SNX19: variants seen among roughly 807,000 people sequenced by gnomAD.
SNX19 encodes the protein sorting nexin 19.
SNX19 carries 60 observed loss-of-function variants against 85.2 expected under a neutral mutation model. The observed-to-expected ratio is 0.70, with a 90% confidence interval of 0.57 to 0.87. The LOEUF (loss-of-function observed/expected upper bound fraction) is 0.87. Among genes scored for constraint, SNX19 ranks in the 40% least tolerant of loss-of-function variants. SNX19 has a pLI of 0.00. For synonymous variants in SNX19, 520 were observed against 470.0 expected (o/e 1.11, Z -1.38); for missense variants, 1,201 against 1,217.8 (o/e 0.99, Z 0.21).
intron 8 of SNX19, among the ~76,000 whole-genome samples, chr11:130,888,096 T>C (rs1156463349): frequency 8.3e-6 from 1 of 120,208 alleles, no homozygotes; most frequent in Non-Finnish European, 1.9e-5. Context: ...CACAGGTACA[T>C]TACAAAAAAA....
chr11:130,878,468 GCAGAGGTGGTAGCAGCAGACTCCTCAA>G lies in SNX19; in HGVS notation c.2906_2932del (p.Val969_Ser977del). 1 of 1,613,924 alleles carries G rather than the reference GCAGAGGTGGTAGCAGCAGACTCCTCAA, an allele frequency of 6.2e-7. No individual in the cohort carries two copies. Among genetic ancestry groups the G allele is most frequent in the East Asian group, 2.2e-5 (1 of 44,868 alleles). On this transcript the variant is annotated inframe_deletion, in exon 11 of 11. Coordinates refer to ENST00000265909, the MANE Select transcript of SNX19 (RefSeq NM_014758.3). ...CTTAGAGTTGCCTGGGGTATCTGAGGCAGAGGTGGTAGCAGCAGACTCCTCAACAGAGGCACTGAGATCCAAGAATTC... is the reference window on the plus strand; with the variant it reads ...CTTAGAGTTGCCTGGGGTATCTGAGGCAGAGGCACTGAGATCCAAGAATTC...
At position 130,903,370 on chromosome 11, in the gene SNX19, A is replaced by T. The variant is rs1565536578; in HGVS notation, c.2458T>A (p.Leu820Ile). 1.9e-6 allele frequency: 3 copies of T among 1,612,480 alleles called. No homozygotes were observed. Among genetic ancestry groups the T allele is most frequent in the Non-Finnish European group, 1.7e-6 (2 of 1,179,818 alleles). Residue 820 changes from leucine (L) to isoleucine (I), a missense_variant, in exon 8 of 11, where the codon TTA (leucine) becomes ATA (isoleucine). Leu to Ile is a conservative substitution (Grantham distance 5). Transcript: ENST00000265909. ...SNSDPGTETE[L>I]ADTALDLLLL... The stretch of plus-strand genomic sequence containing the variant: ...AGCAGATCCAGGGCTGTGTCAGCTA[A>T]CTCTGTCTCTGTTCCTGAGGGATAA...
chr11:130,878,137 C>T lies in SNX19; in HGVS notation c.*285G>A. 3.9e-6 allele frequency: 1 copy of T among 257,276 alleles called. No homozygotes were observed. The allele number at this position is 257,276 out of a possible 1,614,324, so 15.9% of individuals were successfully genotyped here. ...GGCAAAAGGAGAAGCAAAAGGGGTT[C>T]ATTCCTCTACCTCACAGCTTCTTTT... On this transcript the variant is annotated 3_prime_UTR_variant, in exon 11 of 11. Coordinates refer to ENST00000265909, the MANE Select transcript of SNX19 (RefSeq NM_014758.3).
At chr11:130,888,123 C>G (rs547796728) in intron 8 of SNX19, among the ~76,000 whole-genome samples, 1 of 151,596 alleles carries the variant, frequency 6.6e-6, no homozygotes, top group East Asian at 1.9e-4. Flanking sequence ...ATCGTGTGCC[C>G]CTCTGTTAAG....
At chr11:130,901,391 T>A (rs1479210021) in intron 8 of SNX19, among the ~76,000 whole-genome samples, 3 of 152,074 alleles carry the variant, frequency 2.0e-5, no homozygotes, top group Non-Finnish European at 4.4e-5. Context: ...CTACAGAAGG[T>A]TTCACAGAAT....
rs746029946 is a variant in SNX19, at chr11:130,876,264, T to C, written c.*2158A>G. On this transcript the variant is annotated 3_prime_UTR_variant, in exon 11 of 11. Transcript: ENST00000265909. ...CCTGTGGCTCTCTACCAATTGTTAC[T>C]CTCTTGTTGTCTGAACCTGCTAGCC... 1.3e-5 allele frequency: 2 copies of C among 152,216 alleles called. No homozygotes were observed. Among genetic ancestry groups the C allele is most frequent in the African/African-American group, 4.8e-5 (2 of 41,438 alleles). The allele number at this position is 152,216 out of a possible 1,614,324, so 9.4% of individuals were successfully genotyped here. A position where few individuals can be genotyped will look rare whatever the true frequency, so the allele number is the denominator to read the frequency against.
chr11:130,893,974 T>C (rs1382841153), intron 8 of SNX19: 1 of 583,670 alleles, frequency 1.7e-6, no homozygotes, highest in South Asian at 2.1e-5. Flanking sequence ...AAGTAAGCAA[T>C]AACATATGGT....
intron 5 of SNX19, among the ~76,000 whole-genome samples, chr11:130,907,045 G>C (rs1462272161): frequency 6.6e-6 from 1 of 152,150 alleles, no homozygotes; most frequent in Non-Finnish European, 1.5e-5. Flanking sequence ...ACACATAATA[G>C]GCACTCATTA....
Position 130,914,400 on chromosome 11 carries a change from C to G in SNX19, c.1540G>C (p.Ala514Pro). 2 of 1,613,902 alleles carry G rather than the reference C, an allele frequency of 1.2e-6. No individual in the cohort carries two copies. Among genetic ancestry groups the G allele is most frequent in the Non-Finnish European group, 1.7e-6 (2 of 1,179,870 alleles). Reference sequence around the variant, plus strand: ...CTTAGGGGCTCAAAGCTGAAGGTGGCTGAGCTGAGAGGACCAGGTGGAGAG... The same window carrying G: ...CTTAGGGGCTCAAAGCTGAAGGTGGGTGAGCTGAGAGGACCAGGTGGAGAG... The part of the protein sequence containing the change: ...SSSPPGPLSS[A>P]TFSFEPLSSP... Residue 514 changes from alanine to proline, a missense_variant, in exon 1 of 11, where the codon GCC becomes CCC. Transcript: ENST00000265909.
At chr11:130,902,423 T>C (rs1191337264) in intron 8 of SNX19, among the ~76,000 whole-genome samples, 1 of 152,206 alleles carries the variant, frequency 6.6e-6, no homozygotes, top group African/African-American at 2.4e-5. Flanking sequence ...ATAATTCTTT[T>C]TTATAAGGAT....
chr11:130,903,745 A>ACACG (rs1373626651), intron 7 of SNX19, among the ~76,000 whole-genome samples: 2 of 151,000 alleles, frequency 1.3e-5, no homozygotes, highest in Non-Finnish European at 2.9e-5. Context: ...ACACACACAC[A>ACACG]CACACGCACT....
Position 130,914,784 on chromosome 11 carries a change from T to C in SNX19, c.1156A>G (p.Met386Val), listed in dbSNP as rs1946417600. The C allele has an allele frequency of 2.5e-6, 4 of 1,614,240 alleles. No homozygotes were observed. Among genetic ancestry groups the C allele is most frequent in the Non-Finnish European group, 3.4e-6 (4 of 1,180,046 alleles). ...PLSELGKETI[M>V]LMTPGSFLSD... ...AGAAAGCTGCCTGGAGTCATGAGCA[T>C]GATGGTTTCTTTGCCCAGTTCAGAC... Residue 386 changes from methionine to valine, a missense_variant, in exon 1 of 11, where the codon ATG becomes GTG. Met to Val is a conservative substitution (Grantham distance 21, BLOSUM62 1). Around this residue, in one of 3 missense-constraint regions of SNX19, gnomAD observed 791 missense variants for 750.9 expected, o/e 1.05. Transcript: ENST00000265909.
At chr11:130,905,686 G>A in intron 7 of SNX19, 1 of 1,518,646 alleles carries the variant, frequency 6.6e-7, no homozygotes, top group Non-Finnish European at 8.8e-7. Flanking sequence ...TAAGTTTAAT[G>A]AGTTATCAAT....
At chr11:130,907,577 T>G (rs943282062) in intron 5 of SNX19, among the ~76,000 whole-genome samples, 7 of 152,232 alleles carry the variant, frequency 4.6e-5, no homozygotes, top group African/African-American at 1.7e-4. Context: ...GAGCCAAGAT[T>G]TCCAGAAATG....
At position 130,875,852 on chromosome 11, in the gene SNX19, A is replaced by T. The variant is rs1353795849; in HGVS notation, c.*2570T>A. 2.0e-5 allele frequency: 3 copies of T among 152,154 alleles called. No individual in the cohort carries two copies. The highest frequency in any genetic ancestry group is 4.4e-5 in the Non-Finnish European group (3 of 68,030). 9.4% of individuals were successfully genotyped at this position (152,154 alleles called of 1,614,324 possible). Reference sequence around the variant, plus strand: ...AGAACTTAATGTATAATAATAATAAAAATAAAATTTATACATGCTCCTAGG... The same window carrying T: ...AGAACTTAATGTATAATAATAATAATAATAAAATTTATACATGCTCCTAGG... On this transcript the variant is annotated 3_prime_UTR_variant, in exon 11 of 11. Coordinates refer to ENST00000265909, the MANE Select transcript of SNX19 (RefSeq NM_014758.3).
chr11:130,896,860 C>G (rs1383171121), intron 8 of SNX19, among the ~76,000 whole-genome samples: 1 of 152,000 alleles, frequency 6.6e-6, no homozygotes, highest in Admixed American at 6.5e-5. Context: ...TAAGAAATAA[C>G]CAATGTCACA....
chr11:130,882,718 T>C (rs972102622), intron 8 of SNX19, among the ~76,000 whole-genome samples: 1 of 152,178 alleles, frequency 6.6e-6, no homozygotes, highest in African/African-American at 2.4e-5. Flanking sequence ...AGAGGGTCAC[T>C]AGAGGGAGGT....
chr11:130,888,183 T>C (rs887613147), intron 8 of SNX19, among the ~76,000 whole-genome samples: 2 of 152,190 alleles, frequency 1.3e-5, no homozygotes, highest in African/African-American at 4.8e-5. Context: ...ATCTAAATTA[T>C]AGTTCATCTT....
intron 4 of SNX19, 38 bp downstream of exon 4, chr11:130,909,980 A>C: frequency 6.2e-7 from 1 of 1,609,932 alleles, no homozygotes; most frequent in Non-Finnish European, 8.5e-7. Context: ...CCATTTATAG[A>C]TCAAAACTAA....
Sources: allele counts gnomAD v4.1 joint callset (sites outside exome capture counted in the v4.1 genomes callset), GRCh38; gene constraint gnomAD v4.1.1; regional missense constraint gnomAD v4.1.1; transcripts MANE v1.5; gene names NCBI Gene and HGNC (gene_info 2026-07-23, HGNC 2026-07-21).